The following TSGA10 variants were observed in gnomAD, a reference collection of about 807,000 sequenced individuals.
TSGA10 encodes testis specific 10.
Under a neutral mutation model 96.6 loss-of-function variants are expected in TSGA10, and 43 were observed. That is an observed-to-expected ratio of 0.44 (90% CI 0.35 to 0.57). The LOEUF is 0.57. TSGA10 is among the 20% of genes least tolerant of loss of function. The pLI, the probability that TSGA10 is intolerant of heterozygous loss-of-function variation, is 0.01. For synonymous variants in TSGA10, 229 were observed against 269.9 expected, an observed-to-expected ratio of 0.85 and a Z score of 1.48; for missense variants, 703 against 834.4, an observed-to-expected ratio of 0.84 and a Z score of 1.94.
intron 1 of TSGA10, chr2:99,150,576 T>G: frequency 6.2e-7 from 1 of 1,613,600 alleles, no homozygotes; most frequent in Non-Finnish European, 8.5e-7. Context: ...TTTCACTTAG[T>G]AAATCTGCTA....
intron 20 of TSGA10, among the ~76,000 whole-genome samples, chr2:99,005,354 C>A (rs986662778): frequency 6.6e-6 from 1 of 152,142 alleles, no homozygotes; most frequent in Non-Finnish European, 1.5e-5. Context: ...GTCAAATTGG[C>A]CCTGTTTGCA....
At chr2:99,082,031 T>C (rs1040809378) in intron 10 of TSGA10, among the ~76,000 whole-genome samples, 1 of 152,208 alleles carries the variant, frequency 6.6e-6, no homozygotes, top group Non-Finnish European at 1.5e-5. Context: ...TTTGGCCCCT[T>C]GATTTACAAG....
At chr2:99,134,945 TG>T (rs968457302) in intron 1 of TSGA10, among the ~76,000 whole-genome samples, 1 of 152,228 alleles carries the variant, frequency 6.6e-6, no homozygotes, top group Admixed American at 6.5e-5. Flanking sequence ...CAAAGATTGC[TG>T]CCTGTTTCTT....
intron 1 of TSGA10, among the ~76,000 whole-genome samples, chr2:99,129,932 C>G (rs1027455022): frequency 6.6e-6 from 1 of 152,044 alleles, no homozygotes; most frequent in Non-Finnish European, 1.5e-5. Flanking sequence ...ATGATGGTTT[C>G]CAGCTTCATC....
intron 17 of TSGA10, among the ~76,000 whole-genome samples, chr2:99,032,744 G>C (rs755787771): frequency 1.7e-4 from 26 of 152,190 alleles, no homozygotes; most frequent in Non-Finnish European, 3.2e-4. Flanking sequence ...TTTAGGAGAG[G>C]CTGAAGTTCA....
chr2:99,068,147 A>C (rs1433661429), intron 15 of TSGA10, among the ~76,000 whole-genome samples: 1 of 152,172 alleles, frequency 6.6e-6, no homozygotes, highest in Non-Finnish European at 1.5e-5. Flanking sequence ...AATCCTTAGA[A>C]TCTCTTCTGT....
chr2:99,059,618 G>A (rs150947418), intron 16 of TSGA10, among the ~76,000 whole-genome samples: 6 of 152,056 alleles, frequency 3.9e-5, no homozygotes, highest in African/African-American at 9.6e-5. Flanking sequence ...CAGCCTGGGC[G>A]ACAGAGCAAG....
intron 1 of TSGA10, among the ~76,000 whole-genome samples, chr2:99,146,821 G>A (rs758922193): frequency 6.6e-6 from 1 of 152,152 alleles, no homozygotes; most frequent in Admixed American, 6.5e-5. Context: ...TAGAGACAGA[G>A]TTTCACCATG....
chr2:99,003,327 T>A (rs957558201), intron 20 of TSGA10, among the ~76,000 whole-genome samples: 2 of 152,110 alleles, frequency 1.3e-5, no homozygotes, highest in African/African-American at 2.4e-5. Context: ...ACAAAGAGAC[T>A]TAGACTCCCA....
chr2:99,062,421 C>T (rs902170810), intron 16 of TSGA10, among the ~76,000 whole-genome samples: 17 of 152,154 alleles, frequency 1.1e-4, no homozygotes, highest in Non-Finnish European at 1.5e-4. Context: ...AACCTCAAGT[C>T]CCCTGCACAT....
At chr2:99,112,158 A>G (rs1245392045) in intron 4 of TSGA10, among the ~76,000 whole-genome samples, 1 of 152,224 alleles carries the variant, frequency 6.6e-6, no homozygotes, top group Non-Finnish European at 1.5e-5. Flanking sequence ...TCACTTACTT[A>G]ACAATTAATG....
intron 9 of TSGA10, among the ~76,000 whole-genome samples, chr2:99,104,894 CAATA>C (rs1303042444): frequency 6.6e-6 from 1 of 152,122 alleles, no homozygotes; most frequent in Non-Finnish European, 1.5e-5. Context: ...ACAATATCAT[CAATA>C]TATATTCGTA....
Position 99,022,352 on chromosome 2 carries a change from A to C in TSGA10, c.1615-1870T>G, listed in dbSNP as rs567841859. ...AAAAAAAAAAAAAAAAAAAAAAAAA[A>C]CACCCAACACAGAACGTTCTCTGGC... On this transcript the variant is annotated intron_variant, in intron 17 of 20. Coordinates refer to ENST00000393483, the MANE Select transcript of TSGA10 (RefSeq NM_025244.4). 1.7e-4 allele frequency among the ~76,000 whole-genome samples: 24 copies of C among 143,738 alleles called. No homozygotes were observed. The South Asian group carries it at 3.7e-3, about 22-fold the overall frequency. The allele number at this position is 143,738 out of a possible 152,430, so 94.3% of individuals were successfully genotyped here. A position where few individuals can be genotyped will look rare whatever the true frequency, so the allele number is the denominator to read the frequency against.
chr2:99,148,779 T>G (rs968217375), intron 1 of TSGA10, among the ~76,000 whole-genome samples: 1 of 152,082 alleles, frequency 6.6e-6, no homozygotes, highest in Non-Finnish European at 1.5e-5. Context: ...AAGACCAGCC[T>G]GGTCAACATG....
intron 10 of TSGA10, among the ~76,000 whole-genome samples, chr2:99,085,406 A>AC (rs1274585686): frequency 1.3e-5 from 2 of 151,946 alleles, no homozygotes; most frequent in African/African-American, 4.8e-5. Flanking sequence ...GGAGATCAAG[A>AC]CCAGCCTGGG....
intron 20 of TSGA10, 38 bp from the exon 21 acceptor site, chr2:98,998,259 T>A (rs2077606536): frequency 6.6e-7 from 1 of 1,524,590 alleles, no homozygotes; most frequent in Non-Finnish European, 8.9e-7. Flanking sequence ...ATATTTTTAA[T>A]TCAACTTTTT....
At chr2:99,139,168 T>C (rs957826035) in intron 1 of TSGA10, among the ~76,000 whole-genome samples, 4 of 151,762 alleles carry the variant, frequency 2.6e-5, no homozygotes, top group Non-Finnish European at 5.9e-5. Context: ...GAGGCTGAGA[T>C]AGGAGAATCA....
chr2:99,003,883 T>G (rs1485996988), intron 20 of TSGA10, among the ~76,000 whole-genome samples: 2 of 151,970 alleles, frequency 1.3e-5, no homozygotes, highest in Admixed American at 1.3e-4. Flanking sequence ...ACATCACAAT[T>G]AAAAGAACTA....
chr2:99,011,946 A>G (rs1280738750), intron 20 of TSGA10, among the ~76,000 whole-genome samples: 1 of 152,196 alleles, frequency 6.6e-6, no homozygotes, highest in Non-Finnish European at 1.5e-5. Flanking sequence ...CAAAAGCATC[A>G]AGATAAACTA....
Sources: allele counts gnomAD v4.1 joint callset (sites outside exome capture counted in the v4.1 genomes callset), GRCh38; gene constraint gnomAD v4.1.1; transcripts MANE v1.5; gene names NCBI Gene and HGNC (gene_info 2026-07-23, HGNC 2026-07-21).